The following CCDC171 variants were observed in gnomAD, a reference collection of about 807,000 sequenced individuals.
CCDC171 encodes the protein coiled-coil domain containing 171, also known as coiled-coil domain-containing protein 171.
A neutral mutation model predicts 168.2 loss-of-function variants in CCDC171; 177 were observed. The observed-to-expected ratio is 1.05, with a 90% CI of 0.93 to 1.19. The LOEUF is 1.19. Among genes scored for constraint, CCDC171 ranks in the 50% most tolerant of loss-of-function variants. The probability of loss-of-function intolerance (pLI) is 0.00; values close to 1 mark genes in which losing one functional copy is unlikely to be tolerated. For missense variants in CCDC171, 1,991 were observed against 1,539.0 expected (o/e 1.29, Z -4.91); for synonymous variants, 687 against 540.8 (o/e 1.27, Z -3.75).
chr9:15,631,199 C>CA (rs1387669632), intron 7 of CCDC171, among the ~76,000 whole-genome samples: 1 of 151,768 alleles, frequency 6.6e-6, no homozygotes, highest in Non-Finnish European at 1.5e-5. Flanking sequence ...AATAGAAACA[C>CA]AAAAAACCCT....
chr9:15,776,606 A>G (rs1010994889), intron 18 of CCDC171, among the ~76,000 whole-genome samples: 1 of 152,240 alleles, frequency 6.6e-6, no homozygotes, highest in African/African-American at 2.4e-5. Flanking sequence ...ATTGAGGAAT[A>G]AAATAAGTAG....
intron 25 of CCDC171, among the ~76,000 whole-genome samples, chr9:15,956,110 A>G (rs1236574704): frequency 6.6e-6 from 1 of 152,200 alleles, no homozygotes; most frequent in African/African-American, 2.4e-5. Context: ...AGTGTTCAAT[A>G]TAACAAATTT....
intron 1 of CCDC171, among the ~76,000 whole-genome samples, chr9:15,555,026 T>A (rs2038673566): frequency 6.6e-6 from 1 of 152,156 alleles, no homozygotes; most frequent in African/African-American, 2.4e-5. Flanking sequence ...GATGAGTGCA[T>A]TTGGGATGAC....
At chr9:15,668,990 A>G (rs1475972811) in intron 9 of CCDC171, among the ~76,000 whole-genome samples, 3 of 152,146 alleles carry the variant, frequency 2.0e-5, no homozygotes, top group African/African-American at 7.2e-5. Context: ...GTTTTGGAGC[A>G]GTATATTGTT....
chr9:16,070,867 G>A, the CCDC171 span, among the ~76,000 whole-genome samples: 1 of 152,196 alleles, frequency 6.6e-6, no homozygotes, highest in Non-Finnish European at 1.5e-5. Context: ...TTCTTCAGGG[G>A]AAGCCCCTTT....
intron 7 of CCDC171, among the ~76,000 whole-genome samples, chr9:15,639,337 A>ATT (rs1564111980): frequency 1.3e-5 from 2 of 152,066 alleles, no homozygotes; most frequent in African/African-American, 4.8e-5. Context: ...AAATTTTAAG[A>ATT]TTGGAACTTC....
At chr9:16,098,125 C>T in the CCDC171 span, among the ~76,000 whole-genome samples, 6 of 152,140 alleles carry the variant, frequency 3.9e-5, no homozygotes, top group African/African-American at 1.2e-4. Context: ...ATACACATCA[C>T]GGTTTAAGTC....
At chr9:15,782,360 C>G (rs10810446) in intron 20 of CCDC171, among the ~76,000 whole-genome samples, 72,221 of 151,968 alleles carry the variant, frequency 0.48, 17,293 homozygotes, top group South Asian at 0.54. Flanking sequence ...CACACCATCT[C>G]TTTCTTATTC....
chr9:15,780,183 A>G (rs115147717), intron 20 of CCDC171, among the ~76,000 whole-genome samples: 7 of 152,324 alleles, frequency 4.6e-5, no homozygotes, highest in Admixed American at 2.0e-4. Context: ...AAGAGTTCCT[A>G]TGAATTAGGC....
chr9:15,560,143 T>TCTG (rs2039162325), intron 1 of CCDC171, among the ~76,000 whole-genome samples: 2 of 151,486 alleles, frequency 1.3e-5, no homozygotes, highest in Admixed American at 1.3e-4. Flanking sequence ...AACCTGACGT[T>TCTG]TCTGGCTGCC....
Position 16,001,119 on chromosome 9 carries a change from A to G in CCDC171, n.369-19470A>G, listed in dbSNP as rs542482366. ...CATGCTGAACTTTCTAGTGACTCAGAGAAGGGCCTCACCTTTTCAGGATTC... is the reference window on the plus strand; with the variant it reads ...CATGCTGAACTTTCTAGTGACTCAGGGAAGGGCCTCACCTTTTCAGGATTC... On this transcript the variant is annotated intron_variant and non_coding_transcript_variant, in intron 3 of 9. Transcript: ENST00000486641. 7.2e-5 allele frequency among the ~76,000 whole-genome samples: 11 copies of G among 152,338 alleles called. No homozygotes were observed. In the South Asian group the frequency reaches 2.3e-3, roughly 32 times the overall value.
intron 25 of CCDC171, among the ~76,000 whole-genome samples, chr9:15,954,047 T>G (rs9969816): frequency 0.31 from 47,187 of 151,548 alleles, 9,137 homozygotes; most frequent in East Asian, 0.61. Flanking sequence ...ATATTAGTAA[T>G]TTGAGTTTCT....
intron 25 of CCDC171, among the ~76,000 whole-genome samples, chr9:15,928,617 C>T (rs1443810402): frequency 1.3e-5 from 2 of 151,542 alleles, no homozygotes; most frequent in Non-Finnish European, 1.5e-5. Context: ...CATTTTATGT[C>T]ATAACAGTGC....
At chr9:15,709,907 C>T (rs1457679468) in intron 11 of CCDC171, among the ~76,000 whole-genome samples, 1 of 152,048 alleles carries the variant, frequency 6.6e-6, no homozygotes, top group African/African-American at 2.4e-5. Context: ...ATCTGTTGCC[C>T]TCATCACTCA....
rs184822495 is a variant in CCDC171, at chr9:15,941,319, A to G, written c.3753+20897A>G. Reference sequence around the variant, plus strand: ...AATGGAGCTCGCCGGTAGCGATTCAATACTTGGTTAACTTATTACTTTGTT... The same window carrying G: ...AATGGAGCTCGCCGGTAGCGATTCAGTACTTGGTTAACTTATTACTTTGTT... On this transcript the variant is annotated intron_variant, in intron 25 of 25. Transcript: ENST00000380701. Among the ~76,000 whole-genome samples the G allele has an allele frequency of 3.7e-4, 56 of 152,152 alleles. No individual in the cohort carries two copies. The East Asian group carries it at 6.8e-3, about 18-fold the overall frequency.
In CCDC171 at chr9:15,816,373, T is replaced by C. The variant is rs192708019; in HGVS notation, c.3268-30329T>C. On this transcript the variant is annotated intron_variant, in intron 21 of 25. Transcript: ENST00000380701. ...CATGGACTAAACAAAATAACTTGTATATAATCTCATTATCACTCACATATA... is the reference window on the plus strand; with the variant it reads ...CATGGACTAAACAAAATAACTTGTACATAATCTCATTATCACTCACATATA... 2.9e-3 allele frequency among the ~76,000 whole-genome samples: 344 copies of C among 119,372 alleles called. 93 individuals carry two copies. The highest frequency in any genetic ancestry group is 9.2e-3 in the African/African-American group (297 of 32,134). 78.3% of individuals were successfully genotyped at this position (119,372 alleles called of 152,430 possible).
intron 6 of CCDC171, among the ~76,000 whole-genome samples, chr9:15,596,491 T>A (rs959952719): frequency 4.6e-5 from 7 of 152,182 alleles, no homozygotes; most frequent in Non-Finnish European, 2.9e-5. Flanking sequence ...TCTGTTCTGT[T>A]CCATTGGTCT....
chr9:15,931,958 A>G (rs1469476139), intron 25 of CCDC171, among the ~76,000 whole-genome samples: 1 of 151,722 alleles, frequency 6.6e-6, no homozygotes, highest in Non-Finnish European at 1.5e-5. Flanking sequence ...GCATTGGTTT[A>G]TGTGTCTGTT....
chr9:15,649,109 C>T (rs1237314100), intron 7 of CCDC171, among the ~76,000 whole-genome samples: 1 of 152,184 alleles, frequency 6.6e-6, no homozygotes, highest in African/African-American at 2.4e-5. Context: ...CTACAACCAT[C>T]TGATCTTTGA....
Sources: gnomAD v4.1 joint callset for allele counts (sites outside exome capture counted in the v4.1 genomes callset) on GRCh38, gnomAD v4.1.1 for gene constraint, MANE v1.5 for transcripts, NCBI Gene and HGNC (gene_info 2026-07-23, HGNC 2026-07-21) for gene names.